NFIB: variants seen among roughly 807,000 people sequenced by gnomAD.
NFIB encodes the protein nuclear factor 1 B-type.
A neutral mutation model predicts 61.5 loss-of-function variants in NFIB; 11 were observed. That is an observed-to-expected ratio of 0.18 (90% CI 0.11 to 0.30). NFIB has a LOEUF of 0.30. NFIB is among the 10% of genes least tolerant of loss of function. The probability of loss-of-function intolerance (pLI) is 1.00; values close to 1 mark genes in which losing one functional copy is unlikely to be tolerated. For synonymous variants in NFIB, 260 were observed against 216.5 expected (o/e 1.20, Z -1.76); for missense variants, 471 against 608.9 (o/e 0.77, Z 2.38).
At chr9:14,416,182 C>G in the NFIB span, among the ~76,000 whole-genome samples, 1 of 152,170 alleles carries the variant, frequency 6.6e-6, no homozygotes, top group African/African-American at 2.4e-5. Flanking sequence ...AATGTCAAAC[C>G]ACATATACCA....
chr9:14,452,758 C>G, the NFIB span, among the ~76,000 whole-genome samples: 1 of 152,144 alleles, frequency 6.6e-6, no homozygotes, highest in South Asian at 2.1e-4. Flanking sequence ...AGATGGTTAT[C>G]AAATGATTTT....
intron 2 of NFIB, among the ~76,000 whole-genome samples, chr9:14,185,128 T>C (rs927709623): frequency 1.4e-4 from 21 of 152,094 alleles, no homozygotes. Flanking sequence ...AGAGGCTGCC[T>C]GAAGAGACAG....
At chr9:14,157,257 G>A (rs937466454) in intron 3 of NFIB, among the ~76,000 whole-genome samples, 2 of 152,062 alleles carry the variant, frequency 1.3e-5, no homozygotes, top group African/African-American at 2.4e-5. Context: ...AAAATGATCC[G>A]CAAATCTTTA....
chr9:14,404,176 T>C, the NFIB span, among the ~76,000 whole-genome samples: 2 of 152,184 alleles, frequency 1.3e-5, no homozygotes, highest in Non-Finnish European at 2.9e-5. Flanking sequence ...CTATCTAATA[T>C]TGAAGCTCTT....
At chr9:14,268,818 T>C (rs1044071938) in intron 2 of NFIB, among the ~76,000 whole-genome samples, 1 of 152,334 alleles carries the variant, frequency 6.6e-6, no homozygotes, top group South Asian at 2.1e-4. Flanking sequence ...CTCCTAGACA[T>C]GTAGTAAGCA....
rs2032172552 is a variant in NFIB, at chr9:14,082,695, T to A, written c.*5614A>T. Reference sequence around the variant, plus strand: ...TTTTTTTTTTTGTTTGTTTCTTTCTTGTTTTGCATCAACTTTTATCAGTCC... The same window carrying A: ...TTTTTTTTTTTGTTTGTTTCTTTCTAGTTTTGCATCAACTTTTATCAGTCC... On this transcript the variant is annotated 3_prime_UTR_variant, in exon 11 of 11. Coordinates refer to ENST00000380953, the MANE Select transcript of NFIB (RefSeq NM_001190737.2). 1.0e-5 allele frequency: 2 copies of A among 199,896 alleles called. No individual in the cohort carries two copies. Among genetic ancestry groups the A allele is most frequent in the African/African-American group, 4.6e-5 (2 of 43,236 alleles). 12.4% of individuals were successfully genotyped at this position (199,896 alleles called of 1,614,324 possible).
At chr9:14,501,479 T>C in the NFIB span, among the ~76,000 whole-genome samples, 1 of 152,226 alleles carries the variant, frequency 6.6e-6, no homozygotes, top group Non-Finnish European at 1.5e-5. Context: ...TAATCCTCAC[T>C]TTGCTGTATT....
intron 2 of NFIB, among the ~76,000 whole-genome samples, chr9:14,240,770 T>C (rs1242624039): frequency 6.6e-6 from 1 of 152,184 alleles, no homozygotes; most frequent in African/African-American, 2.4e-5. Context: ...TTAGCCATCA[T>C]CACCACCTCA....
At chr9:14,328,538 A>T (rs1252676567) in intron 1 of NFIB, among the ~76,000 whole-genome samples, 1 of 152,014 alleles carries the variant, frequency 6.6e-6, no homozygotes, top group Non-Finnish European at 1.5e-5. Flanking sequence ...CTTTAAATGA[A>T]CAATTAACAA....
At chr9:14,425,607 ATTTTTTTT>A in the NFIB span, among the ~76,000 whole-genome samples, 425 of 99,044 alleles carry the variant, frequency 4.3e-3, 2 homozygotes, top group African/African-American at 0.015. Context: ...TTGCTACATA[ATTTTTTTT>A]TTTTTTTTTT....
chr9:14,152,872 T>C (rs1023978681), intron 4 of NFIB, among the ~76,000 whole-genome samples: 2 of 148,616 alleles, frequency 1.3e-5, no homozygotes, highest in Non-Finnish European at 1.5e-5. Context: ...TGGGGGAGGG[T>C]GGGGAGGTGA....
Position 14,088,170 on chromosome 9 carries a change from T to C in NFIB, c.*139A>G, listed in dbSNP as rs942468500. ...TTTTTTATTTAAAAAAAAAATTTCT[T>C]AAACTATTGTTGTGTTTCTTTTTCC... On this transcript the variant is annotated 3_prime_UTR_variant, in exon 11 of 11. Coordinates refer to ENST00000380953, the MANE Select transcript of NFIB (RefSeq NM_001190737.2). 2 of 1,431,768 alleles carry C rather than the reference T, an allele frequency of 1.4e-6. No homozygotes were observed. The highest frequency in any genetic ancestry group is 1.8e-6 in the Non-Finnish European group (2 of 1,082,002). The allele number at this position is 1,431,768 out of a possible 1,614,324, so 88.7% of individuals were successfully genotyped here.
the NFIB span, among the ~76,000 whole-genome samples, chr9:14,530,331 AAC>A: frequency 6.6e-6 from 1 of 152,170 alleles, no homozygotes; most frequent in Non-Finnish European, 1.5e-5. Context: ...AACCATAAAT[AAC>A]AGTTTGCCAC....
intron 2 of NFIB, among the ~76,000 whole-genome samples, chr9:14,199,241 C>CT (rs1488751126): frequency 1.1e-4 from 16 of 152,206 alleles, no homozygotes; most frequent in Admixed American, 1.0e-3. Flanking sequence ...GTTCTGGCAG[C>CT]TCCCTGGAAG....
the NFIB span, among the ~76,000 whole-genome samples, chr9:14,420,445 C>CAAAAAAAAAAAAAAAAAAAAAAAA: frequency 9.0e-4 from 38 of 42,428 alleles, no homozygotes; most frequent in African/African-American, 1.1e-3. Context: ...GACTCCGTCT[C>CAAAAAAAAAAAAAAAAAAAAAAAA]AAAAAAAAAA....
chr9:14,340,580 T>C (rs1396485099), intron 1 of NFIB, among the ~76,000 whole-genome samples: 6 of 152,242 alleles, frequency 3.9e-5, no homozygotes, highest in Non-Finnish European at 5.9e-5. Flanking sequence ...AAGTTTCTTG[T>C]TCTATAGAAG....
chr9:14,490,732 T>C, the NFIB span, among the ~76,000 whole-genome samples: 1 of 152,200 alleles, frequency 6.6e-6, no homozygotes, highest in Non-Finnish European at 1.5e-5. Context: ...GAAATGCACA[T>C]TGAGATATCA....
At chr9:14,390,803 TG>T (rs2061610651) in intron 1 of NFIB, among the ~76,000 whole-genome samples, 1 of 152,224 alleles carries the variant, frequency 6.6e-6, no homozygotes, top group Non-Finnish European at 1.5e-5. Flanking sequence ...TCAAATCTGC[TG>T]GCACATTGAT....
intron 1 of NFIB, among the ~76,000 whole-genome samples, chr9:14,312,861 C>T (rs1009023367): frequency 6.6e-6 from 1 of 152,172 alleles, no homozygotes; most frequent in African/African-American, 2.4e-5. Context: ...GTAAATACTG[C>T]CTTTGTGGTG....
Sources: allele counts gnomAD v4.1 joint callset (sites outside exome capture counted in the v4.1 genomes callset), GRCh38; gene constraint gnomAD v4.1.1; transcripts MANE v1.5; gene names NCBI Gene and HGNC (gene_info 2026-07-23, HGNC 2026-07-21).